The following SDHAF2 variants were observed in gnomAD, a reference collection of about 807,000 sequenced individuals.
SDHAF2 encodes succinate dehydrogenase complex assembly factor 2, also known as succinate dehydrogenase assembly factor 2, mitochondrial.
Under a neutral mutation model 18.5 loss-of-function variants are expected in SDHAF2, and 21 were observed. The ratio of observed to expected loss-of-function variants is 1.13; its 90% CI spans 0.80 to 1.63. The LOEUF (loss-of-function observed/expected upper bound fraction) is 1.63, where lower values mean the gene tolerates loss of function less well. Among genes scored for constraint, SDHAF2 ranks in the 40% most tolerant of loss-of-function variants. The pLI is 0.00. For missense variants in SDHAF2, 195 were observed against 200.3 expected (o/e 0.97, Z 0.16); for synonymous variants, 84 against 70.7 (o/e 1.19, Z -0.94).
chr11:61,437,675 A>G lies in SDHAF2; in HGVS notation c.87A>G (p.Thr29=). ...TATTGTCTCCTTTGCTCAGTGTGAC[A>G]TCATTCAGACGCTTCTACAGAGGTG... ...HSLLSPLLSV[T]SFRRFYRGDS... Residue 29 remains threonine (T), a synonymous_variant, in exon 2 of 4, where the codon ACA becomes ACG. Transcript: ENST00000301761. The G allele has an allele frequency of 6.2e-7, 1 of 1,614,246 alleles. No individual in the cohort carries two copies. The highest frequency in any genetic ancestry group is 8.5e-7 in the Non-Finnish European group (1 of 1,180,040).
chr11:61,443,336 A>G (rs182585253), intron 3 of SDHAF2, among the ~76,000 whole-genome samples: 2 of 152,260 alleles, frequency 1.3e-5, no homozygotes, highest in East Asian at 3.9e-4. Context: ...CGCCTTTAAT[A>G]TTAGTCATAG....
At chr11:61,435,607 C>G (rs181791412) in intron 1 of SDHAF2, 96 of 152,310 alleles carry the variant, frequency 6.3e-4, no homozygotes, top group Middle Eastern at 3.4e-3. Context: ...TCTGGACTTG[C>G]GGATGTAAAT....
chr11:61,438,010 T>C lies in SDHAF2; in HGVS notation c.267T>C (p.Phe89=). ...TTTTCTTTCTTGTTTTTAGTCTTTT[T>C]GCTAAAGAACATCTGCAGCACATGA... The part of the protein sequence containing the change: ...MLENCILLSL[F]AKEHLQHMTE... Residue 89 remains phenylalanine, a synonymous_variant, in exon 3 of 4, where the codon TTT becomes TTC. Transcript: ENST00000301761. 1.2e-6 allele frequency: 2 copies of C among 1,614,044 alleles called. No homozygotes were observed. Among genetic ancestry groups the C allele is most frequent in the Non-Finnish European group, 1.7e-6 (2 of 1,179,930 alleles).
At chr11:61,434,688 T>C (rs909658295) in intron 1 of SDHAF2, 3 of 151,050 alleles carry the variant, frequency 2.0e-5, no homozygotes, top group Non-Finnish European at 4.4e-5. Flanking sequence ...AGGTCTACTA[T>C]TGATTTTCTC....
At chr11:61,432,117 G>A (rs972276825) in intron 1 of SDHAF2, 2 of 152,170 alleles carry the variant, frequency 1.3e-5, no homozygotes, top group East Asian at 1.9e-4. Flanking sequence ...AATTAGTCAG[G>A]TGTGGTAGTA....
At chr11:61,442,428 C>T (rs1274282014) in intron 3 of SDHAF2, among the ~76,000 whole-genome samples, 2 of 152,168 alleles carry the variant, frequency 1.3e-5, no homozygotes, top group Non-Finnish European at 2.9e-5. Flanking sequence ...TAGTTTGTGA[C>T]GAGGTCTGCT....
chr11:61,446,172 T>C lies in SDHAF2; in HGVS notation c.*101T>C. The C allele has an allele frequency of 7.4e-7, 1 of 1,352,344 alleles. No individual in the cohort carries two copies. The highest frequency in any genetic ancestry group is 1.7e-5 in the Admixed American group (1 of 59,554). The allele number at this position is 1,352,344 out of a possible 1,614,324, so 83.8% of individuals were successfully genotyped here. A position where few individuals can be genotyped will look rare whatever the true frequency, so the allele number is the denominator to read the frequency against. On this transcript the variant is annotated 3_prime_UTR_variant, in exon 4 of 4. Coordinates refer to ENST00000301761, the MANE Select transcript of SDHAF2 (RefSeq NM_017841.4). ...CGGCTTCTTAGATGCCCAGCTGCCC[T>C]ACCCCAGACCACTGGTCCTGCCTCA...
At chr11:61,436,628 G>A (rs1248994483) in intron 1 of SDHAF2, 5 of 344,436 alleles carry the variant, frequency 1.5e-5, no homozygotes, top group African/African-American at 1.1e-4. Context: ...GTTATCTCAT[G>A]ATCATGCTTG....
rs1157688980 is a variant in SDHAF2, at chr11:61,430,187, GGA to G, written c.36+12_36+13del. 12 of 1,614,110 alleles carry G rather than the reference GGA, an allele frequency of 7.4e-6. No individual in the cohort carries two copies. Among genetic ancestry groups the G allele is most frequent in the East Asian group, 4.5e-5 (2 of 44,894 alleles). ...GTGTTCTCGACTTCGTCGCTGGTGA[GGA>G]GAGAGAACGTTCTAGCGTCCGGGGC... On this transcript the variant is annotated splice_donor_region_variant and intron_variant, in intron 1 of 3. Coordinates refer to ENST00000301761, the MANE Select transcript of SDHAF2 (RefSeq NM_017841.4).
intron 3 of SDHAF2, among the ~76,000 whole-genome samples, chr11:61,439,404 G>A (rs529537775): frequency 6.6e-6 from 1 of 152,270 alleles, no homozygotes; most frequent in South Asian, 2.1e-4. Context: ...CCACTTATTT[G>A]CCATTGGCCA....
intron 1 of SDHAF2, chr11:61,434,957 T>A (rs1861976820): frequency 6.6e-6 from 1 of 151,966 alleles, no homozygotes; most frequent in East Asian, 1.9e-4. Context: ...GGTCTTGATC[T>A]CCTGACCTCT....
Position 61,430,170 on chromosome 11 carries a change from G to C in SDHAF2, c.24G>C (p.Ser8=). The part of the protein sequence containing the change: MAVSTVF[S]TSSLMLALSR... ...AAATGGCGGTGTCTACAGTGTTCTC[G>C]ACTTCGTCGCTGGTGAGGAGAGAGA... The change falls in exon 1 of 4, where the codon TCG becomes TCC. Residue 8 remains serine (S), a synonymous_variant. Coordinates refer to ENST00000301761, the MANE Select transcript of SDHAF2 (RefSeq NM_017841.4). 6.2e-7 allele frequency: 1 copy of C among 1,614,234 alleles called. No individual in the cohort carries two copies.
chr11:61,442,468 C>G (rs1245286278), intron 3 of SDHAF2, among the ~76,000 whole-genome samples: 1 of 152,112 alleles, frequency 6.6e-6, no homozygotes, highest in Non-Finnish European at 1.5e-5. Flanking sequence ...TGTGTCTTCT[C>G]TTTCTGAATC....
rs1358648594 is a variant in SDHAF2, at chr11:61,446,532, G to GTA, written c.*463_*464dup. On this transcript the variant is annotated 3_prime_UTR_variant, in exon 4 of 4. Transcript: ENST00000301761. ...AGTGGAACTCCCCACTTCCAACCTG[G>GTA]TATGGCTCCTTCTGCGAAGGGAAGC... The GTA allele has an allele frequency of 1.3e-5, 6 of 476,442 alleles. No individual in the cohort carries two copies. Among genetic ancestry groups the GTA allele is most frequent in the African/African-American group, 1.2e-4 (6 of 51,304 alleles). 29.5% of individuals were successfully genotyped at this position (476,442 alleles called of 1,614,324 possible). A position where few individuals can be genotyped will look rare whatever the true frequency, so the allele number is the denominator to read the frequency against.
chr11:61,431,494 T>A (rs776363354), intron 1 of SDHAF2: 2 of 152,172 alleles, frequency 1.3e-5, no homozygotes, highest in Non-Finnish European at 2.9e-5. Flanking sequence ...ATTTTCTAAT[T>A]TTCCTTTTGA....
intron 3 of SDHAF2, among the ~76,000 whole-genome samples, chr11:61,441,901 T>TG (rs1169883624): frequency 6.6e-5 from 10 of 151,190 alleles, no homozygotes; most frequent in Non-Finnish European, 1.5e-4. Flanking sequence ...TTTTTTTTTT[T>TG]GAGACAGGAT....
At chr11:61,440,954 C>A (rs1269056897) in intron 3 of SDHAF2, among the ~76,000 whole-genome samples, 2 of 152,082 alleles carry the variant, frequency 1.3e-5, no homozygotes, top group African/African-American at 4.8e-5. Flanking sequence ...ATAATTCCAG[C>A]GCTTTGGAAG....
At chr11:61,440,944 A>G (rs893759437) in intron 3 of SDHAF2, among the ~76,000 whole-genome samples, 2 of 152,126 alleles carry the variant, frequency 1.3e-5, no homozygotes, top group Admixed American at 1.3e-4. Context: ...GCTCACACCT[A>G]TAATTCCAGC....
intron 3 of SDHAF2, among the ~76,000 whole-genome samples, chr11:61,442,893 A>G (rs1862087775): frequency 6.6e-6 from 1 of 152,178 alleles, no homozygotes; most frequent in African/African-American, 2.4e-5. Context: ...AACTGGGACC[A>G]CAGGCACGTG....
Sources: gnomAD v4.1 joint callset for allele counts (sites outside exome capture counted in the v4.1 genomes callset) on GRCh38, gnomAD v4.1.1 for gene constraint, MANE v1.5 for transcripts, NCBI Gene and HGNC (gene_info 2026-07-23, HGNC 2026-07-21) for gene names.